NHLRC2: variants seen among roughly 807,000 people sequenced by gnomAD.
The protein encoded by NHLRC2 is NHL repeat-containing protein 2.
A neutral mutation model predicts 68.1 loss-of-function variants in NHLRC2; 33 were observed. The observed-to-expected ratio is 0.48, with a 90% confidence interval of 0.37 to 0.65. NHLRC2 has a LOEUF of 0.65. Among genes scored for constraint, NHLRC2 ranks in the 30% least tolerant of loss-of-function variants. NHLRC2 has a pLI of 0.00. For missense variants in NHLRC2, 761 were observed against 853.8 expected (o/e 0.89, Z 1.35); for synonymous variants, 311 against 309.6 (o/e 1.00, Z -0.05).
At chr10:113,880,984 T>C (rs912757143) in intron 4 of NHLRC2, among the ~76,000 whole-genome samples, 97 of 151,940 alleles carry the variant, frequency 6.4e-4, no homozygotes, top group African/African-American at 2.3e-3. Context: ...CTGTGCAGCA[T>C]TTCTAAACTT....
In NHLRC2 at chr10:113,876,998, G is replaced by A. The variant is rs188865122; in HGVS notation, c.787+22G>A. ...GGAGGTAAAACTTGCTTCTGATTAC[G>A]ATAGATAACGTGTTTTACAGTAAAA... is the stretch of plus-strand genomic sequence containing the variant. On this transcript the variant is annotated intron_variant, in intron 3 of 10. Transcript: ENST00000369301. The A allele has an allele frequency of 1.3e-4, 176 of 1,368,146 alleles. 1 individual carries two copies. Among genetic ancestry groups the A allele is most frequent in the African/African-American group, 1.2e-3 (82 of 69,010 alleles). The allele number at this position is 1,368,146 out of a possible 1,614,324, so 84.8% of individuals were successfully genotyped here.
intron 4 of NHLRC2, among the ~76,000 whole-genome samples, chr10:113,882,966 G>C (rs770398280): frequency 4.0e-5 from 6 of 151,770 alleles, no homozygotes; most frequent in Non-Finnish European, 5.9e-5. Flanking sequence ...CCCTTGAATA[G>C]CTGTAGCAGC....
At chr10:113,866,732 G>GCCCGCCTC (rs970165114) in intron 2 of NHLRC2, among the ~76,000 whole-genome samples, 4 of 151,628 alleles carry the variant, frequency 2.6e-5, no homozygotes, top group Non-Finnish European at 5.9e-5. Flanking sequence ...AACCTCGCCT[G>GCCCGCCTC]CCCGCCTCCC....
chr10:113,874,776 T>C (rs1282899510), intron 2 of NHLRC2, among the ~76,000 whole-genome samples: 2 of 152,096 alleles, frequency 1.3e-5, no homozygotes, highest in Non-Finnish European at 2.9e-5. Flanking sequence ...TTCTTTAGAT[T>C]GGATTAATTT....
Position 113,901,857 on chromosome 10 carries a change from GAGCAGTGA to G in NHLRC2, c.1336_1343del (p.Val446ProfsTer16). 1 of 1,613,894 alleles carries G rather than the reference GAGCAGTGA, an allele frequency of 6.2e-7. No individual in the cohort carries two copies. Among genetic ancestry groups the G allele is most frequent in the Non-Finnish European group, 8.5e-7 (1 of 1,179,800 alleles). ...GTGAGAACCGTTTCACTGAAAGATG[GAGCAGTGA>G]AGCACCTCGTAGGAGGAGAAAGAGA... On this transcript the variant is annotated frameshift_variant, in exon 7 of 11. Transcript: ENST00000369301. LOFTEE classifies it high-confidence loss of function.
Position 113,854,958 on chromosome 10 carries a change from T to G in NHLRC2, c.86T>G (p.Val29Gly). The G allele has an allele frequency of 6.4e-7, 1 of 1,554,282 alleles. No homozygotes were observed. The highest frequency in any genetic ancestry group is 8.7e-7 in the Non-Finnish European group (1 of 1,148,420). ...CTAGAGTACGCCCTGCTCGACGCCG[T>G]TACCCAGCAGGAGAAGGACAGCCTG... ...TSLEYALLDA[V>G]TQQEKDSLVY... Residue 29 changes from valine (V) to glycine (G), a missense_variant, in exon 1 of 11, where the codon GTT becomes GGT. Physicochemically the swap from Val to Gly is moderately radical, Grantham distance 109 (BLOSUM62 -3). Coordinates refer to ENST00000369301, the MANE Select transcript of NHLRC2 (RefSeq NM_198514.4).
intron 6 of NHLRC2, among the ~76,000 whole-genome samples, chr10:113,900,095 A>C (rs1846215018): frequency 1.3e-5 from 2 of 152,194 alleles, no homozygotes; most frequent in South Asian, 2.1e-4. Flanking sequence ...TAGTGATGTC[A>C]GTAGAAGCCA....
At chr10:113,870,185 T>C (rs1165343624) in intron 2 of NHLRC2, among the ~76,000 whole-genome samples, 3 of 152,160 alleles carry the variant, frequency 2.0e-5, no homozygotes, top group Non-Finnish European at 4.4e-5. Context: ...AAAGTATCGT[T>C]AGATTTATTT....
At chr10:113,907,283 T>C (rs982500987) in intron 10 of NHLRC2, among the ~76,000 whole-genome samples, 2 of 152,210 alleles carry the variant, frequency 1.3e-5, no homozygotes, top group African/African-American at 2.4e-5. Flanking sequence ...GCAGGCACTC[T>C]GAGTCGGTTT....
In NHLRC2 at chr10:113,908,561, T is replaced by C; in HGVS notation, c.*25T>C. 1 of 1,612,186 alleles carries C rather than the reference T, an allele frequency of 6.2e-7. No individual in the cohort carries two copies. On this transcript the variant is annotated 3_prime_UTR_variant, in exon 11 of 11. Transcript: ENST00000369301. ...GCCAGCCAGCTAGCTAGCAACCCAT[T>C]GCCACCACCTACTGTCTCCCATCCT... is the stretch of plus-strand genomic sequence containing the variant.
chr10:113,880,019 A>C (rs1846022584), intron 4 of NHLRC2, among the ~76,000 whole-genome samples: 1 of 151,972 alleles, frequency 6.6e-6, no homozygotes, highest in African/African-American at 2.4e-5. Context: ...TTTTCAGTTG[A>C]ATTTTCTCAA....
chr10:113,860,234 A>G (rs1046797257), intron 2 of NHLRC2, among the ~76,000 whole-genome samples: 1 of 152,226 alleles, frequency 6.6e-6, no homozygotes, highest in South Asian at 2.1e-4. Context: ...AAGAATCTCA[A>G]AGTTTACCAG....
intron 2 of NHLRC2, among the ~76,000 whole-genome samples, chr10:113,865,791 T>G (rs1845862527): frequency 6.6e-6 from 1 of 152,148 alleles, no homozygotes; most frequent in Admixed American, 6.5e-5. Context: ...TTATATTGAT[T>G]AGAAGATAAG....
chr10:113,882,758 A>T (rs1436151286), intron 4 of NHLRC2, among the ~76,000 whole-genome samples: 2 of 151,720 alleles, frequency 1.3e-5, no homozygotes, highest in Admixed American at 1.3e-4. Flanking sequence ...GTAAGAATCC[A>T]TTGCTAAATC....
At chr10:113,872,453 A>G (rs1350121082) in intron 2 of NHLRC2, among the ~76,000 whole-genome samples, 3 of 152,150 alleles carry the variant, frequency 2.0e-5, no homozygotes, top group African/African-American at 7.2e-5. Context: ...TGAAAATGCA[A>G]TTCAGAGTTA....
intron 2 of NHLRC2, among the ~76,000 whole-genome samples, chr10:113,869,230 G>A (rs995835275): frequency 1.3e-5 from 2 of 152,192 alleles, no homozygotes; most frequent in Admixed American, 6.5e-5. Flanking sequence ...AAGTATGGAT[G>A]ATGAGAGTGG....
In NHLRC2 at chr10:113,906,716, G is replaced by A. The variant is rs143353388; in HGVS notation, c.1925-1564G>A. Among the ~76,000 whole-genome samples the A allele has an allele frequency of 3.1e-3, 467 of 152,276 alleles. 3 individuals are homozygous for A. The highest frequency in any genetic ancestry group is 9.4e-3 in the African/African-American group (389 of 41,554). ...TTAAAATATAAGAAATTGGCCAGGC[G>A]TGGTGGCTCACGCCTGTAATCCCAG... On this transcript the variant is annotated intron_variant, in intron 10 of 10. Transcript: ENST00000369301.
Position 113,901,875 on chromosome 10 carries a change from T to C in NHLRC2, c.1349T>C (p.Val450Ala), listed in dbSNP as rs527614575. Residue 450 changes from valine to alanine, a missense_variant, in exon 7 of 11, where the codon GTA becomes GCA. Transcript: ENST00000369301. ...AAAGATGGAGCAGTGAAGCACCTCG[T>C]AGGAGGAGAAAGAGACCCCATGGTA... ...SLKDGAVKHLVGGERDPMNLF... is the reference protein window; with the variant it reads ...SLKDGAVKHLAGGERDPMNLF... The C allele has an allele frequency of 5.0e-5, 81 of 1,613,008 alleles. No individual in the cohort carries two copies. The highest frequency in any genetic ancestry group is 6.6e-5 in the Non-Finnish European group (78 of 1,179,148).
intron 4 of NHLRC2, among the ~76,000 whole-genome samples, chr10:113,880,091 C>T (rs2134711558): frequency 6.6e-6 from 1 of 152,096 alleles, no homozygotes; most frequent in South Asian, 2.1e-4. Flanking sequence ...GCTGGAAATA[C>T]TGATTAGCCA....
Sources: allele counts gnomAD v4.1 joint callset (sites outside exome capture counted in the v4.1 genomes callset), GRCh38; gene constraint gnomAD v4.1.1; transcripts MANE v1.5; gene names NCBI Gene and HGNC (gene_info 2026-07-23, HGNC 2026-07-21).